The following NAV3 variants were observed in gnomAD, a reference collection of about 807,000 sequenced individuals.
The protein encoded by NAV3 is neuron navigator 3.
In NAV3, 87 loss-of-function variants were observed where a neutral mutation model predicts 244.7. The observed-to-expected ratio is 0.36, with a 90% CI of 0.30 to 0.42. The LOEUF (loss-of-function observed/expected upper bound fraction) is 0.42, where lower values mean the gene tolerates loss of function less well. Among genes scored for constraint, NAV3 ranks in the 20% least tolerant of loss-of-function variants. The probability of loss-of-function intolerance (pLI) is 1.00; values close to 1 mark genes in which losing one functional copy is unlikely to be tolerated. For missense variants in NAV3, 2,663 were observed against 2,893.3 expected, an observed-to-expected ratio of 0.92 and a Z score of 1.83; for synonymous variants, 1,126 against 1,042.2, an observed-to-expected ratio of 1.08 and a Z score of -1.55.
intron 1 of NAV3, among the ~76,000 whole-genome samples, chr12:77,922,222 CTG>C (rs1344945235): frequency 3.3e-5 from 5 of 151,994 alleles, no homozygotes; most frequent in Non-Finnish European, 5.9e-5. Flanking sequence ...TTCCCTGCCT[CTG>C]TGTTTTGAAA....
intron 2 of NAV3, among the ~76,000 whole-genome samples, chr12:77,776,709 C>T (rs1159830299): frequency 6.6e-6 from 1 of 152,112 alleles, no homozygotes; most frequent in East Asian, 1.9e-4. Context: ...TTACACTACT[C>T]AAACCATGAT....
rs769334520 is a variant in NAV3 at position 78,116,871 on chromosome 12, C to T, written c.2736C>T (p.Ser912=). 1.4e-5 allele frequency: 23 copies of T among 1,613,308 alleles called. No individual in the cohort carries two copies. The African/African-American group carries it at 2.5e-4, about 18-fold the overall frequency. The change falls in exon 13 of 40, where the codon TCC becomes TCT. Residue 912 remains serine (S), a synonymous_variant. Transcript: ENST00000397909. The stretch of plus-strand genomic sequence containing the variant: ...CCACATCCTCTGTCAGCTCTTACTC[C>T]AACATCACCGTCCCCTCTAGGAAGA... ...LNTTSSVSSY[S]NITVPSRKNT...
intron 3 of NAV3, among the ~76,000 whole-genome samples, chr12:77,954,216 TCTTTAC>T (rs1891157287): frequency 6.6e-6 from 1 of 152,196 alleles, no homozygotes; most frequent in African/African-American, 2.4e-5. Flanking sequence ...CCCATTTCTG[TCTTTAC>T]CTTTACACTA....
chr12:78,208,575 G>A (rs1960570739), intron 39 of NAV3, among the ~76,000 whole-genome samples: 2 of 151,948 alleles, frequency 1.3e-5, no homozygotes, highest in Non-Finnish European at 2.9e-5. Context: ...AATAATACTA[G>A]GCAAAGGCAA....
intron 2 of NAV3, among the ~76,000 whole-genome samples, chr12:77,655,594 A>G (rs536731598): frequency 6.6e-6 from 1 of 152,242 alleles, no homozygotes; most frequent in South Asian, 2.1e-4. Flanking sequence ...CAGATTCAGG[A>G]AATACAGAGA....
At chr12:77,940,119 A>G (rs1889723752) in intron 1 of NAV3, 200 bp from the exon 2 acceptor site, 1 of 514,492 alleles carries the variant, frequency 1.9e-6, no homozygotes, top group African/African-American at 1.9e-5. Context: ...AGAGTGAATC[A>G]TCCCCTTTGA....
intron 9 of NAV3, chr12:78,037,325 TGAG>T (rs1482754754): frequency 1.4e-6 from 1 of 702,954 alleles, no homozygotes; most frequent in South Asian, 1.5e-5. Flanking sequence ...CTCATCTGGA[TGAG>T]GAGGTGATCC....
chr12:77,839,359 A>G (rs1363522910), intron 1 of NAV3, among the ~76,000 whole-genome samples: 1 of 152,168 alleles, frequency 6.6e-6, no homozygotes, highest in Non-Finnish European at 1.5e-5. Flanking sequence ...TCACAGAGAC[A>G]TTTCTTGAAA....
intron 5 of NAV3, among the ~76,000 whole-genome samples, chr12:77,994,261 A>G (rs979567840): frequency 1.3e-5 from 2 of 152,246 alleles, no homozygotes; most frequent in East Asian, 3.9e-4. Context: ...CTTGAAAACA[A>G]TTTAGTACTA....
At chr12:77,912,404 C>T (rs543088728) in intron 1 of NAV3, among the ~76,000 whole-genome samples, 24 of 152,086 alleles carry the variant, frequency 1.6e-4, no homozygotes, top group Non-Finnish European at 2.6e-4. Flanking sequence ...TGACTTGTTC[C>T]CAGTGAACAA....
chr12:77,798,350 C>T (rs1243945141), intron 2 of NAV3, among the ~76,000 whole-genome samples: 1 of 151,996 alleles, frequency 6.6e-6, no homozygotes, highest in Non-Finnish European at 1.5e-5. Context: ...TTTTGAAACT[C>T]ATTGTTATTA....
chr12:77,919,657 A>G (rs1017302152), intron 1 of NAV3, among the ~76,000 whole-genome samples: 1 of 152,098 alleles, frequency 6.6e-6, no homozygotes, highest in Admixed American at 6.6e-5. Flanking sequence ...GGACATCTTT[A>G]TATCTTTAAG....
At chr12:77,702,323 T>G (rs1875598280) in intron 2 of NAV3, among the ~76,000 whole-genome samples, 4 of 152,030 alleles carry the variant, frequency 2.6e-5, no homozygotes, top group Admixed American at 2.6e-4. Flanking sequence ...TATCTTTTTA[T>G]TCTCTACCTT....
In NAV3 at chr12:77,924,535, C is replaced by A. The variant is rs550425923; in HGVS notation, c.244-15784C>A. ...AGGCATGAGGCAGCTGGAAGTGTAT[C>A]CCCGCTTGGGTCAACTCTTCACAAA... is the stretch of plus-strand genomic sequence containing the variant. On this transcript the variant is annotated intron_variant, in intron 1 of 39. Coordinates refer to ENST00000397909, the MANE Select transcript of NAV3 (RefSeq NM_001024383.2). Among the ~76,000 whole-genome samples the A allele has an allele frequency of 3.4e-3, 517 of 152,158 alleles. 1 individual carries two copies. Among genetic ancestry groups the A allele is most frequent in the African/African-American group, 0.012 (488 of 41,504 alleles).
intron 9 of NAV3, chr12:78,037,441 C>G (rs1246617482): frequency 3.1e-6 from 2 of 636,596 alleles, no homozygotes; most frequent in Non-Finnish European, 5.7e-6. Context: ...ATTTCATAGT[C>G]TCTTATGAAA....
At chr12:77,956,953 G>A (rs1326210033) in intron 3 of NAV3, among the ~76,000 whole-genome samples, 26 of 152,056 alleles carry the variant, frequency 1.7e-4, no homozygotes, top group Non-Finnish European at 7.4e-5. Context: ...ATGTTGGCCA[G>A]GCTGGTCTCA....
At chr12:77,787,559 T>C (rs1870962303) in intron 2 of NAV3, among the ~76,000 whole-genome samples, 1 of 152,094 alleles carries the variant, frequency 6.6e-6, no homozygotes, top group African/African-American at 2.4e-5. Context: ...TAGAAAACCG[T>C]CAGATTTCAT....
At chr12:77,987,128 T>C (rs999401743) in intron 5 of NAV3, among the ~76,000 whole-genome samples, 10 of 152,320 alleles carry the variant, frequency 6.6e-5, no homozygotes, top group Admixed American at 3.3e-4. Context: ...TCAAATGGTA[T>C]ATTTTGAAAT....
chr12:77,803,196 A>G (rs1871802125), intron 2 of NAV3, among the ~76,000 whole-genome samples: 1 of 152,108 alleles, frequency 6.6e-6, no homozygotes, highest in Admixed American at 6.5e-5. Context: ...CCATCAACCC[A>G]TCATCTACAT....
Sources: gnomAD v4.1 joint callset for allele counts (sites outside exome capture counted in the v4.1 genomes callset) on GRCh38, gnomAD v4.1.1 for gene constraint, MANE v1.5 for transcripts, NCBI Gene and HGNC (gene_info 2026-07-23, HGNC 2026-07-21) for gene names.